PARD3B: variants seen among roughly 807,000 people sequenced by gnomAD.
The protein encoded by PARD3B is par-3 family cell polarity regulator beta.
Under a neutral mutation model 130.2 loss-of-function variants are expected in PARD3B, and 103 were observed. The observed-to-expected ratio is 0.79, with a 90% CI of 0.67 to 0.93. PARD3B has a LOEUF of 0.93. Ranked by LOEUF, PARD3B falls within the 40% of genes least tolerant of loss-of-function variation. PARD3B has a pLI of 0.00. For missense variants in PARD3B, 1,609 were observed against 1,499.2 expected, an observed-to-expected ratio of 1.07 and a Z score of -1.21; for synonymous variants, 583 against 553.2, an observed-to-expected ratio of 1.05 and a Z score of -0.76.
intron 22 of PARD3B, among the ~76,000 whole-genome samples, chr2:205,595,768 C>T (rs1350559501): frequency 6.6e-6 from 1 of 152,198 alleles, no homozygotes; most frequent in African/African-American, 2.4e-5. Context: ...AAGGAGCTCA[C>T]TCACAATAAA....
rs578052570 is a variant in PARD3B, at chr2:205,299,297, G to T, written c.2186-1233G>T. On this transcript the variant is annotated intron_variant, in intron 16 of 22. Coordinates refer to ENST00000406610, the MANE Select transcript of PARD3B (RefSeq NM_001302769.2). ...AAAAATAGTGATGATAGTAATAAAA[G>T]ATAGTGCCGTTTATTGAGCCTTGCT... Among the ~76,000 whole-genome samples, 3 of 152,278 alleles carry T rather than the reference G, an allele frequency of 2.0e-5. No individual in the cohort carries two copies. The East Asian group carries it at 5.8e-4, about 29-fold the overall frequency.
chr2:205,046,172 A>G (rs1448747659), intron 3 of PARD3B, among the ~76,000 whole-genome samples: 1 of 152,112 alleles, frequency 6.6e-6, no homozygotes, highest in Non-Finnish European at 1.5e-5. Context: ...TACCTAAGGG[A>G]CAGAAAAAGA....
At chr2:205,381,096 T>C (rs1470233044) in intron 18 of PARD3B, among the ~76,000 whole-genome samples, 2 of 99,736 alleles carry the variant, frequency 2.0e-5, no homozygotes, top group Non-Finnish European at 3.6e-5. Context: ...AAAGAATATA[T>C]AATATATAAA....
chr2:205,300,610 G>A lies in PARD3B; in HGVS notation c.2266G>A (p.Glu756Lys), dbSNP rs368504055. ...GGAGAGTCTGCAGACTGCAGTGGCC[G>A]AGGTCAGGAAGAATGACCTTCCCTT... ...SLESLQTAVAEVRKNDLPFHR... is the reference protein window; with the variant it reads ...SLESLQTAVAKVRKNDLPFHR... The change falls in exon 17 of 23, where the codon GAG becomes AAG. Residue 756 changes from glutamate to lysine, a missense_variant. By Grantham distance (56) the Glu-to-Lys change is moderately conservative. Coordinates refer to ENST00000406610, the MANE Select transcript of PARD3B (RefSeq NM_001302769.2). The surrounding 1 kb of genome is among the most constrained non-coding windows in gnomAD (Gnocchi z 4.1). 1.7e-5 allele frequency: 27 copies of A among 1,613,834 alleles called. No homozygotes were observed. The highest frequency in any genetic ancestry group is 6.7e-5 in the East Asian group (3 of 44,890).
In PARD3B at chr2:205,276,620, A is replaced by G. The variant is rs529425259; in HGVS notation, c.2186-23910A>G. ...CGTTGGGGGATATTTATTCCGGGGAAGTCAGAGAAGCTCCAAAGTGGCTTG... is the reference window on the plus strand; with the variant it reads ...CGTTGGGGGATATTTATTCCGGGGAGGTCAGAGAAGCTCCAAAGTGGCTTG... On this transcript the variant is annotated intron_variant, in intron 16 of 22. Coordinates refer to ENST00000406610, the MANE Select transcript of PARD3B (RefSeq NM_001302769.2). This position sits in a 1 kb window ranked among gnomAD's most constrained non-coding sequence, Gnocchi z 5.0. 2.0e-5 allele frequency among the ~76,000 whole-genome samples: 3 copies of G among 152,308 alleles called. No homozygotes were observed. The East Asian group carries it at 5.8e-4, about 29-fold the overall frequency.
At chr2:204,790,505 A>G (rs538631309) in intron 2 of PARD3B, among the ~76,000 whole-genome samples, 196 of 152,346 alleles carry the variant, frequency 1.3e-3, no homozygotes, top group African/African-American at 4.5e-3. Flanking sequence ...GTGGTGTGTT[A>G]TAAGAAGTGT....
chr2:205,533,400 T>C (rs548424442), intron 21 of PARD3B, among the ~76,000 whole-genome samples: 142 of 152,272 alleles, frequency 9.3e-4, no homozygotes, highest in Middle Eastern at 3.4e-3. Context: ...TATTCTCCTA[T>C]CCACCAGATT....
intron 2 of PARD3B, among the ~76,000 whole-genome samples, chr2:204,877,141 G>A (rs993653348): frequency 1.3e-5 from 2 of 152,034 alleles, no homozygotes; most frequent in Non-Finnish European, 2.9e-5. Flanking sequence ...ACTGTCGCAA[G>A]GACAGAAAAC....
chr2:205,250,929 AAAAAAAT>A (rs1382472981), intron 16 of PARD3B, among the ~76,000 whole-genome samples: 8 of 152,086 alleles, frequency 5.3e-5, no homozygotes, highest in African/African-American at 1.9e-4. Context: ...ACTCCATCTC[AAAAAAAT>A]AAAAAATAAA....
Position 205,024,987 on chromosome 2 carries a change from G to A in PARD3B, c.395-22594G>A, listed in dbSNP as rs150299879. ...GCAGGAGTGTTTACATATCATTCAT[G>A]CCACCAAGAGAAGATGACCGACATT... On this transcript the variant is annotated intron_variant, in intron 3 of 22. Transcript: ENST00000406610. 5.0e-3 allele frequency among the ~76,000 whole-genome samples: 766 copies of A among 152,198 alleles called. 6 individuals are homozygous for A. The highest frequency in any genetic ancestry group is 6.5e-3 in the Non-Finnish European group (441 of 68,008).
rs779994936 is a variant in PARD3B at position 205,401,062 on chromosome 2, A to G, written c.2680A>G (p.Thr894Ala). The G allele has an allele frequency of 2.5e-6, 4 of 1,604,122 alleles. No homozygotes were observed. The South Asian group carries it at 3.4e-5, about 14-fold the overall frequency. Residue 894 changes from threonine (T) to alanine (A), a missense_variant, in exon 19 of 23, where the codon ACT becomes GCT. Physicochemically the swap from Thr to Ala is moderately conservative, Grantham distance 58 (BLOSUM62 0). Transcript: ENST00000406610. ...GGGTGGAAAGGCTGAGCAGAAAGGT[A>G]CTCTGAAACATGGTGGCCTGAGAGA... ...DKGGKAEQKGTLKHGGLREEE... is the reference protein window; with the variant it reads ...DKGGKAEQKGALKHGGLREEE...
rs1015850357 is a variant in PARD3B, at chr2:205,011,597, C to G, written c.395-35984C>G. On this transcript the variant is annotated intron_variant, in intron 3 of 22. Transcript: ENST00000406610. This position sits in a 1 kb window ranked among gnomAD's most constrained non-coding sequence, Gnocchi z 4.1. ...AGGAACTACATAGTGTAAATCCAGGCAGTGGGGCTTGCTAGGTGGCCGTCT... is the reference window on the plus strand; with the variant it reads ...AGGAACTACATAGTGTAAATCCAGGGAGTGGGGCTTGCTAGGTGGCCGTCT... Among the ~76,000 whole-genome samples the G allele has an allele frequency of 9.9e-5, 15 of 152,146 alleles. 1 individual carries two copies. The highest frequency in any genetic ancestry group is 9.8e-4 in the Admixed American group (15 of 15,272).
rs886114508 is a variant in PARD3B at position 205,265,404 on chromosome 2, T to C, written c.2185+19582T>C. The stretch of plus-strand genomic sequence containing the variant: ...TTTGAAATTAATGTGAAGGGCTCTG[T>C]AGCTTCTTTTTCTTCCTTGGGTTTT... On this transcript the variant is annotated intron_variant, in intron 16 of 22. Coordinates refer to ENST00000406610, the MANE Select transcript of PARD3B (RefSeq NM_001302769.2). This position sits in a 1 kb window ranked among gnomAD's most constrained non-coding sequence, Gnocchi z 4.3. Among the ~76,000 whole-genome samples, 9 of 152,050 alleles carry C rather than the reference T, an allele frequency of 5.9e-5. No individual in the cohort carries two copies. The highest frequency in any genetic ancestry group is 2.2e-4 in the African/African-American group (9 of 41,420).
In PARD3B at chr2:205,229,095, G is replaced by T. The variant is rs759859524; in HGVS notation, c.2141-16683G>T. ...AAGGTCACTTATGTCTGTCTCTCTG[G>T]GTTTGGGTCACTTGTGCCTTATTTA... On this transcript the variant is annotated intron_variant, in intron 15 of 22. Transcript: ENST00000406610. The surrounding 1 kb of genome is among the most constrained non-coding windows in gnomAD (Gnocchi z 5.2). 6.6e-6 allele frequency among the ~76,000 whole-genome samples: 1 copy of T among 152,080 alleles called. No individual in the cohort carries two copies. Among genetic ancestry groups the T allele is most frequent in the African/African-American group, 2.4e-5 (1 of 41,390 alleles).
At chr2:204,686,334 T>G (rs778712308) in intron 2 of PARD3B, 52 bp downstream of exon 2, 1 of 1,294,854 alleles carries the variant, frequency 7.7e-7, no homozygotes, top group East Asian at 2.3e-5. Context: ...GAGCTGCATG[T>G]TTTCAAGAGA....
At chr2:205,496,469 T>TA (rs2049929192) in intron 20 of PARD3B, among the ~76,000 whole-genome samples, 1 of 152,176 alleles carries the variant, frequency 6.6e-6, no homozygotes, top group Non-Finnish European at 1.5e-5. Context: ...TTCCATATTT[T>TA]TAAAAAATAT....
intron 4 of PARD3B, chr2:205,103,670 T>C (rs555146188): frequency 9.3e-5 from 90 of 972,100 alleles, no homozygotes; most frequent in Non-Finnish European, 1.1e-4. Context: ...ATCCACAGGA[T>C]TCCCTGTTAG....
Position 205,142,336 on chromosome 2 carries a change from A to G in PARD3B, c.1435-16386A>G, listed in dbSNP as rs1403850664. Among the ~76,000 whole-genome samples the G allele has an allele frequency of 6.6e-6, 1 of 152,220 alleles. No homozygotes were observed. ...CTTTACTAAACATGATAAAAAGTTT[A>G]GGTGAGAGGTGTTGAAAACTATGAT... On this transcript the variant is annotated intron_variant, in intron 10 of 22. Coordinates refer to ENST00000406610, the MANE Select transcript of PARD3B (RefSeq NM_001302769.2). This position sits in a 1 kb window ranked among gnomAD's most constrained non-coding sequence, Gnocchi z 4.3.
intron 2 of PARD3B, among the ~76,000 whole-genome samples, chr2:204,692,402 G>A (rs1472448093): frequency 6.6e-6 from 1 of 151,978 alleles, no homozygotes; most frequent in African/African-American, 2.4e-5. Flanking sequence ...TTAATGGCTG[G>A]TGGTGATGAA....
Sources: allele counts gnomAD v4.1 joint callset (sites outside exome capture counted in the v4.1 genomes callset), GRCh38; gene constraint gnomAD v4.1.1; non-coding constraint Gnocchi (gnomAD v3.1); transcripts MANE v1.5; gene names NCBI Gene and HGNC (gene_info 2026-07-23, HGNC 2026-07-21).